H6PD: variants seen among roughly 807,000 people sequenced by gnomAD.
The protein encoded by H6PD is GDH/6PGL endoplasmic bifunctional protein.
A neutral mutation model predicts 61.2 loss-of-function variants in H6PD; 48 were observed. The ratio of observed to expected loss-of-function variants is 0.78; its 90% CI spans 0.62 to 1.00. The LOEUF is 1.00. Ranked by LOEUF, H6PD falls within the 50% of genes least tolerant of loss-of-function variation. H6PD has a pLI of 0.00. For synonymous variants in H6PD, 480 were observed against 457.9 expected (o/e 1.05, Z -0.62); for missense variants, 1,093 against 1,065.0 (o/e 1.03, Z -0.37).
chr1:9,259,543 C>T (rs1480529003), intron 3 of H6PD, among the ~76,000 whole-genome samples: 1 of 149,898 alleles, frequency 6.7e-6, no homozygotes, highest in East Asian at 2.0e-4. Flanking sequence ...GTGGTTGTTA[C>T]ACTAGTATTA....
intron 1 of H6PD, among the ~76,000 whole-genome samples, chr1:9,239,564 A>G (rs1298315027): frequency 6.6e-6 from 1 of 152,246 alleles, no homozygotes; most frequent in Non-Finnish European, 1.5e-5. Flanking sequence ...TGGGTTGGCT[A>G]TTGTAAAAAG....
At position 9,256,729 on chromosome 1, in the gene H6PD, C is replaced by T. The variant is rs2100366587; in HGVS notation, c.746-5330C>T. 1.3e-5 allele frequency among the ~76,000 whole-genome samples: 2 copies of T among 152,290 alleles called. 1 individual carries two copies. The highest frequency in any genetic ancestry group is 4.1e-4 in the South Asian group (2 of 4,826). ...GTTTACAGAATGCATGGAAGAGATACAGAACTATGGTATAAGAAACGGGGA... is the reference window on the plus strand; with the variant it reads ...GTTTACAGAATGCATGGAAGAGATATAGAACTATGGTATAAGAAACGGGGA... On this transcript the variant is annotated intron_variant, in intron 3 of 4. Coordinates refer to ENST00000377403, the MANE Select transcript of H6PD (RefSeq NM_004285.4).
At chr1:9,262,559 G>A (rs1405400451) in intron 4 of H6PD, among the ~76,000 whole-genome samples, 2 of 152,214 alleles carry the variant, frequency 1.3e-5, no homozygotes, top group South Asian at 2.1e-4. Flanking sequence ...CCATGGCCTC[G>A]TGTCAGCCCC....
At position 9,240,100 on chromosome 1, in the gene H6PD, C is replaced by T. The variant is rs1037646770; in HGVS notation, c.-10-4825C>T. 85 of 855,944 alleles carry T rather than the reference C, an allele frequency of 9.9e-5. No homozygotes were observed. The African/African-American group carries it at 1.1e-3, about 11-fold the overall frequency. 53.0% of individuals were successfully genotyped at this position (855,944 alleles called of 1,614,324 possible). A position where few individuals can be genotyped will look rare whatever the true frequency, so the allele number is the denominator to read the frequency against. ...TGAAGGGTGCCCAGGACTGGGTTCACGTGCCTGCAGTCCGCCCTGGCTCTA... is the reference window on the plus strand; with the variant it reads ...TGAAGGGTGCCCAGGACTGGGTTCATGTGCCTGCAGTCCGCCCTGGCTCTA... On this transcript the variant is annotated intron_variant, in intron 1 of 4. Coordinates refer to ENST00000377403, the MANE Select transcript of H6PD (RefSeq NM_004285.4).
intron 3 of H6PD, among the ~76,000 whole-genome samples, chr1:9,249,217 C>T (rs1367881064): frequency 6.6e-6 from 1 of 152,180 alleles, no homozygotes; most frequent in African/African-American, 2.4e-5. Flanking sequence ...TCTTCCAGCC[C>T]TCCCACCCTG....
chr1:9,238,500 G>A (rs1640911091), intron 1 of H6PD, among the ~76,000 whole-genome samples: 1 of 152,170 alleles, frequency 6.6e-6, no homozygotes, highest in African/African-American at 2.4e-5. Context: ...GTGGAAGGTG[G>A]TGAGAAGCAG....
intron 3 of H6PD, among the ~76,000 whole-genome samples, chr1:9,253,780 C>T (rs141501564): frequency 6.6e-6 from 1 of 152,336 alleles, no homozygotes; most frequent in Non-Finnish European, 1.5e-5. Flanking sequence ...TCATGAAATA[C>T]CAACTGTGTT....
Position 9,263,939 on chromosome 1 carries a change from C to A in H6PD, c.1446C>A (p.Ser482=). ...TCACCACAGAGAACTTGCTGGCCTC[C>A]TGGAACTTCTGGACCCCTCTGCTGG... is the stretch of plus-strand genomic sequence containing the variant. The part of the protein sequence containing the change: ...FFITTENLLA[S]WNFWTPLLES... Residue 482 remains serine (S), a synonymous_variant, in exon 5 of 5, where the codon TCC becomes TCA. Coordinates refer to ENST00000377403, the MANE Select transcript of H6PD (RefSeq NM_004285.4). 1 of 1,614,210 alleles carries A rather than the reference C, an allele frequency of 6.2e-7. No homozygotes were observed. Among genetic ancestry groups the A allele is most frequent in the African/African-American group, 1.3e-5 (1 of 75,078 alleles).
In H6PD at chr1:9,264,356, G is replaced by A; in HGVS notation, c.1863G>A (p.Glu621=). The A allele has an allele frequency of 6.2e-7, 1 of 1,612,434 alleles. No individual in the cohort carries two copies. Among genetic ancestry groups the A allele is most frequent in the Non-Finnish European group, 8.5e-7 (1 of 1,179,934 alleles). ...ACACGCACCTGTGGCTGGTTGACGA[G>A]CGCTGCGTCCCACTCTCAGACCCGG... ...WAHTHLWLVD[E]RCVPLSDPES... Residue 621 remains glutamate, a synonymous_variant, in exon 5 of 5, where the codon GAG becomes GAA. Coordinates refer to ENST00000377403, the MANE Select transcript of H6PD (RefSeq NM_004285.4).
rs1165330956 is a variant in H6PD at position 9,254,777 on chromosome 1, CAG to C, written c.746-7279_746-7278del. 1.3e-5 allele frequency among the ~76,000 whole-genome samples: 2 copies of C among 152,210 alleles called. No individual in the cohort carries two copies. The highest frequency in any genetic ancestry group is 2.9e-5 in the Non-Finnish European group (2 of 68,038). ...AGGCCAGTGAGCTTTCGTGTATTCA[CAG>C]AGTTGTGTGTCAGTACCACAATCAA... On this transcript the variant is annotated intron_variant, in intron 3 of 4. Transcript: ENST00000377403. This position sits in a 1 kb window ranked among gnomAD's most constrained non-coding sequence, Gnocchi z 4.6.
At chr1:9,262,708 C>T (rs905237445) in intron 4 of H6PD, among the ~76,000 whole-genome samples, 1 of 152,218 alleles carries the variant, frequency 6.6e-6, no homozygotes, top group Non-Finnish European at 1.5e-5. Flanking sequence ...GGCCAAGTGC[C>T]ATGCCAGGGC....
At chr1:9,242,377 CA>C (rs957192202) in intron 1 of H6PD, among the ~76,000 whole-genome samples, 19 of 152,130 alleles carry the variant, frequency 1.2e-4, no homozygotes, top group African/African-American at 4.6e-4. Flanking sequence ...ATACTACCCC[CA>C]CCCATTTAGG....
rs1314770328 is a variant in H6PD at position 9,235,040 on chromosome 1, G to A, written c.-37G>A. On this transcript the variant is annotated 5_prime_UTR_variant, in exon 1 of 5. Coordinates refer to ENST00000377403, the MANE Select transcript of H6PD (RefSeq NM_004285.4). The stretch of plus-strand genomic sequence containing the variant: ...GCCGCCCCGGCCGTGTCCCGGAGGA[G>A]CGGCCTGCGCCGCCGCGCGAGAGGA... 2 of 148,156 alleles carry A rather than the reference G, an allele frequency of 1.3e-5. No homozygotes were observed. Among genetic ancestry groups the A allele is most frequent in the Non-Finnish European group, 3.0e-5 (2 of 66,212 alleles). 9.2% of individuals were successfully genotyped at this position (148,156 alleles called of 1,614,324 possible).
chr1:9,258,143 C>A (rs1380427643), intron 3 of H6PD, among the ~76,000 whole-genome samples: 1 of 152,242 alleles, frequency 6.6e-6, no homozygotes, highest in Non-Finnish European at 1.5e-5. Context: ...GGGCTGCTGT[C>A]AGCGTTGGTG....
chr1:9,259,910 T>TA (rs1393913934), intron 3 of H6PD, among the ~76,000 whole-genome samples: 1 of 152,184 alleles, frequency 6.6e-6, no homozygotes, highest in Non-Finnish European at 1.5e-5. Flanking sequence ...TTGCTGTTGT[T>TA]ACGCCAGTGT....
intron 4 of H6PD, 46 bp downstream of exon 4, chr1:9,262,374 CG>C: frequency 6.5e-7 from 1 of 1,540,766 alleles, no homozygotes. Flanking sequence ...CCCACTTCGC[CG>C]GGAGCAGCTT....
chr1:9,250,595 C>G (rs1641331530), intron 3 of H6PD, among the ~76,000 whole-genome samples: 1 of 152,120 alleles, frequency 6.6e-6, no homozygotes, highest in Admixed American at 6.5e-5. Flanking sequence ...GCCAAGGGTT[C>G]TGGTGGATCC....
chr1:9,267,292 G>C lies in H6PD; in HGVS notation c.*2423G>C, dbSNP rs573631007. The C allele has an allele frequency of 6.6e-6, 1 of 152,468 alleles. No homozygotes were observed. Among genetic ancestry groups the C allele is most frequent in the Non-Finnish European group, 1.5e-5 (1 of 68,168 alleles). 9.4% of individuals were successfully genotyped at this position (152,468 alleles called of 1,614,324 possible). Reference sequence around the variant, plus strand: ...AGTTCCACAGCTGGCCGCGTGGGGGGGCCCTTGCACCGCACTGCCGCCTCC... The same window carrying C: ...AGTTCCACAGCTGGCCGCGTGGGGGCGCCCTTGCACCGCACTGCCGCCTCC... On this transcript the variant is annotated 3_prime_UTR_variant, in exon 5 of 5. Coordinates refer to ENST00000377403, the MANE Select transcript of H6PD (RefSeq NM_004285.4).
chr1:9,251,941 C>T (rs765387859), intron 3 of H6PD, among the ~76,000 whole-genome samples: 5 of 150,114 alleles, frequency 3.3e-5, no homozygotes, highest in African/African-American at 9.9e-5. Flanking sequence ...GTGGAAGCAA[C>T]GAGGAAGGGG....
Sources: allele counts gnomAD v4.1 joint callset (sites outside exome capture counted in the v4.1 genomes callset), GRCh38; gene constraint gnomAD v4.1.1; non-coding constraint Gnocchi (gnomAD v3.1); transcripts MANE v1.5; gene names NCBI Gene and HGNC (gene_info 2026-07-23, HGNC 2026-07-21).